Variants in FRA10AC1 observed in about 807,000 individuals in gnomAD.
FRA10AC1 encodes FRA10A associated CGG repeat 1.
A neutral mutation model predicts 56.5 loss-of-function variants in FRA10AC1; 43 were observed. That is an observed-to-expected ratio of 0.76 (90% CI 0.60 to 0.98). The LOEUF (loss-of-function observed/expected upper bound fraction) is 0.98. FRA10AC1 is among the 50% of genes least tolerant of loss of function. The pLI, the probability that FRA10AC1 is intolerant of heterozygous loss-of-function variation, is 0.00. For missense variants in FRA10AC1, 346 were observed against 351.8 expected (o/e 0.98, Z 0.13); for synonymous variants, 112 against 110.5 (o/e 1.01, Z -0.09).
chr10:93,687,040 C>G lies in FRA10AC1; in HGVS notation c.511+364G>C, dbSNP rs140193805. Among the ~76,000 whole-genome samples the G allele has an allele frequency of 8.4e-3, 1,267 of 151,648 alleles. 11 individuals are homozygous for G. The highest frequency in any genetic ancestry group is 0.013 in the Non-Finnish European group (897 of 67,670). ...TTCTACTTTTGAAATGTGGATTTGG[C>G]TGAAAAACAGTAACACCAATTCATT... On this transcript the variant is annotated intron_variant, in intron 8 of 13. Coordinates refer to ENST00000359204, the MANE Select transcript of FRA10AC1 (RefSeq NM_145246.5).
At chr10:93,671,527 G>A (rs2058761976) in intron 12 of FRA10AC1, 1 of 154,524 alleles carries the variant, frequency 6.5e-6, no homozygotes, top group Admixed American at 6.5e-5. Flanking sequence ...AAGCACCTCT[G>A]ATACATATGT....
chr10:93,675,358 A>T (rs2058824519), intron 12 of FRA10AC1: 1 of 152,140 alleles, frequency 6.6e-6, no homozygotes, highest in Admixed American at 6.5e-5. Context: ...TGAGTTTGCC[A>T]CAATAAATAT....
rs1276451237 is a variant in FRA10AC1 at position 93,694,936 on chromosome 10, T to C, written c.221A>G (p.Tyr74Cys). The change falls in exon 5 of 14, where the codon TAT (tyrosine) becomes TGT (cysteine). Residue 74 changes from tyrosine (Y) to cysteine (C), a missense_variant and splice_region_variant. Physicochemically the swap from Tyr to Cys is radical, Grantham distance 194. Transcript: ENST00000359204. The part of the protein sequence containing the change: ...RRFHLIAMDA[Y>C]QRHTKFVNDY... The stretch of plus-strand genomic sequence containing the variant: ...ATTTACGAACTTTGTATGTCTTTGA[T>C]ACTGAAATGCAAAAAATTAAGGATT... 1.4e-5 allele frequency: 20 copies of C among 1,427,518 alleles called. No homozygotes were observed. Among genetic ancestry groups the C allele is most frequent in the Non-Finnish European group, 1.8e-5 (18 of 1,010,900 alleles). 88.4% of individuals were successfully genotyped at this position (1,427,518 alleles called of 1,614,324 possible).
In FRA10AC1 at chr10:93,692,704, C is replaced by T; in HGVS notation, c.322G>A (p.Val108Ile). The T allele has an allele frequency of 1.3e-6, 2 of 1,590,146 alleles. No individual in the cohort carries two copies. The highest frequency in any genetic ancestry group is 1.7e-6 in the Non-Finnish European group (2 of 1,170,372). Residue 108 changes from valine to isoleucine, a missense_variant, in exon 6 of 14, where the codon GTT becomes ATT. Val to Ile is a conservative substitution (Grantham distance 29). Coordinates refer to ENST00000359204, the MANE Select transcript of FRA10AC1 (RefSeq NM_145246.5). ...AGGAATCTATGATTTTCTCGTATAA[C>T]ATCCAAGTCTGTCTTGTCATTTTCC... ...LGENDKTDLD[V>I]IRENHRFLWN...
intron 4 of FRA10AC1, among the ~76,000 whole-genome samples, chr10:93,697,509 C>T (rs1276399113): frequency 6.6e-6 from 1 of 152,158 alleles, no homozygotes; most frequent in Admixed American, 6.5e-5. Context: ...CTCTTAAATT[C>T]TCCAATATTC....
chr10:93,683,507 C>T (rs560780327), intron 10 of FRA10AC1, among the ~76,000 whole-genome samples: 16 of 152,200 alleles, frequency 1.1e-4, no homozygotes, highest in Admixed American at 2.0e-4. Flanking sequence ...CCTGCCACCA[C>T]GCCCAGTTAA....
intron 11 of FRA10AC1, among the ~76,000 whole-genome samples, chr10:93,678,455 G>C (rs375543111): frequency 6.6e-6 from 1 of 152,174 alleles, no homozygotes; most frequent in East Asian, 1.9e-4. Context: ...TGGGAGTACA[G>C]AGAGAAACTA....
intron 6 of FRA10AC1, 112 bp from the exon 7 acceptor site, chr10:93,692,205 C>T: frequency 2.7e-6 from 2 of 742,088 alleles, no homozygotes; most frequent in East Asian, 3.4e-5. Flanking sequence ...TTTAAGAGAA[C>T]TATTACTTAC....
intron 8 of FRA10AC1, among the ~76,000 whole-genome samples, chr10:93,686,025 T>C (rs926178768): frequency 1.5e-4 from 23 of 151,656 alleles, no homozygotes; most frequent in African/African-American, 5.6e-4. Context: ...AAAGACTAAC[T>C]GATAACCTGA....
chr10:93,674,641 G>A (rs2058816090), intron 12 of FRA10AC1: 1 of 152,136 alleles, frequency 6.6e-6, no homozygotes, highest in African/African-American at 2.4e-5. Flanking sequence ...ATTTGACTTA[G>A]CTGAGGAGAG....
Position 93,670,825 on chromosome 10 carries a change from C to G in FRA10AC1, c.850G>C (p.Ala284Pro), listed in dbSNP as rs746108287. ...CCCTTCCAAAGTTCAGATTCTGAAG[C>G]ACTTTCTTCCTCATCAGAGTTTCCT... is the stretch of plus-strand genomic sequence containing the variant. ...LLRNSDEEES[A>P]SESELWKGPL... is the part of the protein sequence containing the mutation. The change falls in exon 13 of 14, where the codon GCT (alanine) becomes CCT (proline). Residue 284 changes from alanine (A) to proline (P), a missense_variant. Coordinates refer to ENST00000359204, the MANE Select transcript of FRA10AC1 (RefSeq NM_145246.5). 8.4e-5 allele frequency: 135 copies of G among 1,611,590 alleles called. 3 individuals carry two copies. In the South Asian group the frequency reaches 1.1e-3, roughly 14 times the overall value.
chr10:93,686,330 G>T (rs1244550770), intron 8 of FRA10AC1, among the ~76,000 whole-genome samples: 4 of 151,772 alleles, frequency 2.6e-5, no homozygotes, highest in African/African-American at 9.7e-5. Flanking sequence ...CTTTATAAAA[G>T]AAATCACATA....
intron 12 of FRA10AC1, chr10:93,675,729 A>G: frequency 3.3e-6 from 1 of 305,166 alleles, no homozygotes; most frequent in Non-Finnish European, 7.1e-6. Flanking sequence ...AAAATAACTA[A>G]GTAAGCCTAG....
At chr10:93,696,492 T>C (rs1217154834) in intron 4 of FRA10AC1, among the ~76,000 whole-genome samples, 1 of 152,234 alleles carries the variant, frequency 6.6e-6, no homozygotes, top group East Asian at 1.9e-4. Context: ...ACGAACACTT[T>C]TACACTGTTG....
intron 8 of FRA10AC1, among the ~76,000 whole-genome samples, chr10:93,686,155 C>A (rs1270109713): frequency 6.6e-6 from 1 of 151,812 alleles, no homozygotes; most frequent in East Asian, 1.9e-4. Context: ...ACCAGCAAAT[C>A]TTTTTCATAA....
chr10:93,686,832 C>G (rs1245736850), intron 8 of FRA10AC1, among the ~76,000 whole-genome samples: 1 of 151,784 alleles, frequency 6.6e-6, no homozygotes, highest in Non-Finnish European at 1.5e-5. Flanking sequence ...TGGAGATACA[C>G]AATTTCCAGG....
chr10:93,681,785 A>G (rs2133909462), intron 10 of FRA10AC1, among the ~76,000 whole-genome samples, 187 bp from the exon 11 acceptor site: 1 of 152,228 alleles, frequency 6.6e-6, no homozygotes, highest in Admixed American at 6.5e-5. Context: ...ATCATTCTAT[A>G]AGATAATGAA....
chr10:93,673,323 C>G (rs545066622), intron 12 of FRA10AC1: 1 of 456,430 alleles, frequency 2.2e-6, no homozygotes, highest in East Asian at 6.9e-5. Flanking sequence ...CTCTTCCCTC[C>G]CATCCTTTCA....
chr10:93,669,935 G>T, intron 13 of FRA10AC1, 67 bp from the exon 14 acceptor site: 1 of 788,558 alleles, frequency 1.3e-6, no homozygotes. Flanking sequence ...TACATTATAT[G>T]AGATTAATAA....
Sources: gnomAD v4.1 joint callset for allele counts (sites outside exome capture counted in the v4.1 genomes callset) on GRCh38, gnomAD v4.1.1 for gene constraint, MANE v1.5 for transcripts, NCBI Gene and HGNC (gene_info 2026-07-23, HGNC 2026-07-21) for gene names.